Variants in PRKG1 observed in about 807,000 individuals in gnomAD.
The protein encoded by PRKG1 is protein kinase cGMP-dependent 1, also known as cGMP-dependent protein kinase 1.
A neutral mutation model predicts 88.1 loss-of-function variants in PRKG1; 35 were observed. That is an observed-to-expected ratio of 0.40 (90% CI 0.30 to 0.53). The LOEUF is 0.53. Ranked by LOEUF, PRKG1 falls within the 20% of genes least tolerant of loss-of-function variation. The pLI, the probability that PRKG1 is intolerant of heterozygous loss-of-function variation, is 0.59. For synonymous variants in PRKG1, 303 were observed against 292.5 expected (o/e 1.04, Z -0.37); for missense variants, 540 against 839.8 (o/e 0.64, Z 4.41).
chr10:51,362,965 A>C (rs1842515430), intron 2 of PRKG1, among the ~76,000 whole-genome samples: 1 of 151,930 alleles, frequency 6.6e-6, no homozygotes, highest in Non-Finnish European at 1.5e-5. Context: ...AGAACAAGGA[A>C]TTCATTTTGA....
intron 5 of PRKG1, among the ~76,000 whole-genome samples, chr10:52,030,594 T>C (rs555808089): frequency 3.3e-5 from 5 of 152,274 alleles, no homozygotes; most frequent in African/African-American, 1.2e-4. Context: ...CGAAGGAAGT[T>C]AGAGCTAACA....
chr10:51,880,602 C>T (rs1006430891), intron 4 of PRKG1, among the ~76,000 whole-genome samples: 1 of 152,118 alleles, frequency 6.6e-6, no homozygotes, highest in African/African-American at 2.4e-5. Context: ...TATAAAAGTC[C>T]TGTATTGGTT....
chr10:51,697,559 A>G (rs1841330602), intron 3 of PRKG1: 2 of 874,040 alleles, frequency 2.3e-6, no homozygotes, highest in African/African-American at 3.4e-5. Context: ...AAGAAAGAAA[A>G]AGAACAAAAA....
intron 9 of PRKG1, among the ~76,000 whole-genome samples, chr10:52,222,808 G>A (rs1182845184): frequency 6.6e-6 from 1 of 152,182 alleles, no homozygotes; most frequent in Non-Finnish European, 1.5e-5. Context: ...TGGTGGTGCT[G>A]TTGATAGGAA....
At chr10:52,191,094 G>A (rs1839350687) in intron 9 of PRKG1, among the ~76,000 whole-genome samples, 1 of 152,108 alleles carries the variant, frequency 6.6e-6, no homozygotes, top group South Asian at 2.1e-4. Flanking sequence ...ACTGTATGTT[G>A]GTTATGTCTC....
intron 4 of PRKG1, among the ~76,000 whole-genome samples, chr10:51,905,193 A>G (rs1197498787): frequency 1.3e-5 from 2 of 152,176 alleles, no homozygotes; most frequent in Non-Finnish European, 2.9e-5. Context: ...GATATGGTCC[A>G]TCCAGCTGCT....
chr10:52,057,760 A>G (rs1244158466), intron 6 of PRKG1, among the ~76,000 whole-genome samples: 1 of 152,182 alleles, frequency 6.6e-6, no homozygotes, highest in Admixed American at 6.6e-5. Context: ...CATGCCAATT[A>G]AATATGTTGC....
chr10:51,541,573 A>G (rs1046274870), intron 3 of PRKG1, among the ~76,000 whole-genome samples: 1 of 152,242 alleles, frequency 6.6e-6, no homozygotes, highest in Non-Finnish European at 1.5e-5. Flanking sequence ...AAAGCAATAA[A>G]GAAAATGGGT....
intron 9 of PRKG1, chr10:52,230,651 G>A (rs1037559225): frequency 1.3e-5 from 2 of 152,136 alleles, no homozygotes; most frequent in African/African-American, 4.8e-5. Context: ...GGCACTCATC[G>A]CTCACATGGA....
intron 3 of PRKG1, among the ~76,000 whole-genome samples, chr10:51,501,420 C>G (rs1400197333): frequency 6.6e-6 from 1 of 152,094 alleles, no homozygotes; most frequent in Non-Finnish European, 1.5e-5. Flanking sequence ...CTGCTGGATA[C>G]TTTTCATCTT....
chr10:51,480,055 T>C (rs1223225402), intron 3 of PRKG1, among the ~76,000 whole-genome samples: 1 of 152,126 alleles, frequency 6.6e-6, no homozygotes, highest in African/African-American at 2.4e-5. Flanking sequence ...AACCGTGTCA[T>C]TAATGTCTCT....
At chr10:51,745,929 C>T (rs969204110) in intron 3 of PRKG1, among the ~76,000 whole-genome samples, 6 of 152,190 alleles carry the variant, frequency 3.9e-5, no homozygotes, top group Admixed American at 2.6e-4. Flanking sequence ...ACTGCAGCAT[C>T]GAACTCCTGG....
chr10:51,876,405 C>A lies in PRKG1; in HGVS notation c.699-31102C>A, dbSNP rs876130. On this transcript the variant is annotated intron_variant, in intron 4 of 17. Coordinates refer to ENST00000373980, the MANE Select transcript of PRKG1 (RefSeq NM_006258.4). ...AATCTACCTGTTTATAAAAGAAAAA[C>A]CCTTGCTGTCATAGTCTGTAGGATG... Among the ~76,000 whole-genome samples, 1,286 of 152,268 alleles carry A rather than the reference C, an allele frequency of 8.4e-3. 22 individuals carry two copies. Among genetic ancestry groups the A allele is most frequent in the African/African-American group, 0.03 (1,229 of 41,554 alleles).
At chr10:52,287,282 A>G (rs1366677004) in intron 14 of PRKG1, among the ~76,000 whole-genome samples, 1 of 152,088 alleles carries the variant, frequency 6.6e-6, no homozygotes, top group Non-Finnish European at 1.5e-5. Context: ...ATAGATTTGC[A>G]TGTTTATACA....
chr10:52,038,956 G>A lies in PRKG1; in HGVS notation c.763-15528G>A, dbSNP rs569178024. ...AGGTTGGAGAAGAGAGTAAGAAGAG[G>A]CCGCTTACCTGATTTAAAATTGGTG... On this transcript the variant is annotated intron_variant, in intron 5 of 17. Transcript: ENST00000373980. Among the ~76,000 whole-genome samples the A allele has an allele frequency of 3.2e-3, 495 of 152,308 alleles. 2 individuals carry two copies. Among genetic ancestry groups the A allele is most frequent in the Non-Finnish European group, 4.1e-3 (279 of 68,040 alleles).
At chr10:51,529,729 C>T (rs1371392035) in intron 3 of PRKG1, among the ~76,000 whole-genome samples, 1 of 152,046 alleles carries the variant, frequency 6.6e-6, no homozygotes, top group African/African-American at 2.4e-5. Context: ...AGCAGTATCA[C>T]TACTGAAATT....
At chr10:52,070,436 A>G (rs1448159728) in intron 7 of PRKG1, among the ~76,000 whole-genome samples, 4 of 152,154 alleles carry the variant, frequency 2.6e-5, no homozygotes, top group Admixed American at 1.3e-4. Context: ...GACATTATGC[A>G]TTTTTGCTAT....
intron 3 of PRKG1, among the ~76,000 whole-genome samples, chr10:51,652,337 C>T (rs1840059350): frequency 6.6e-6 from 1 of 150,388 alleles, no homozygotes; most frequent in African/African-American, 2.4e-5. Flanking sequence ...AAAAAGCTGT[C>T]TCAGACTTAT....
At chr10:51,342,072 A>G (rs1295485993) in intron 2 of PRKG1, among the ~76,000 whole-genome samples, 1 of 152,206 alleles carries the variant, frequency 6.6e-6, no homozygotes, top group African/African-American at 2.4e-5. Flanking sequence ...GATATTAGAT[A>G]CCAGAGAGAA....
Sources: allele counts gnomAD v4.1 joint callset (sites outside exome capture counted in the v4.1 genomes callset), GRCh38; gene constraint gnomAD v4.1.1; transcripts MANE v1.5; gene names NCBI Gene and HGNC (gene_info 2026-07-23, HGNC 2026-07-21).